SPHKAP: variants seen among roughly 807,000 people sequenced by gnomAD.
SPHKAP encodes A-kinase anchor protein SPHKAP.
Under a neutral mutation model 137.5 loss-of-function variants are expected in SPHKAP, and 67 were observed. That is an observed-to-expected ratio of 0.49 (90% CI 0.40 to 0.60). The LOEUF is 0.60. Ranked by LOEUF, SPHKAP falls within the 20% of genes least tolerant of loss-of-function variation. SPHKAP has a pLI of 0.00. For missense variants in SPHKAP, 2,097 were observed against 2,069.3 expected (o/e 1.01, Z -0.26); for synonymous variants, 813 against 785.3 (o/e 1.04, Z -0.59).
chr2:228,063,517 G>A (rs1241485654), intron 3 of SPHKAP, among the ~76,000 whole-genome samples: 1 of 152,188 alleles, frequency 6.6e-6, no homozygotes, highest in African/African-American at 2.4e-5. Context: ...TTTAGCTCAT[G>A]TAGCACATTA....
chr2:227,995,745 C>A, intron 7 of SPHKAP, 51 bp from the exon 8 acceptor site: 1 of 1,473,726 alleles, frequency 6.8e-7, no homozygotes, highest in Admixed American at 2.6e-5. Flanking sequence ...CACACACACA[C>A]ACAGAAACTT....
intron 1 of SPHKAP, among the ~76,000 whole-genome samples, chr2:228,166,616 T>C (rs1376582644): frequency 6.6e-6 from 1 of 152,238 alleles, no homozygotes; most frequent in African/African-American, 2.4e-5. Flanking sequence ...TCTTTATATA[T>C]GTTCTTATTT....
intron 1 of SPHKAP, among the ~76,000 whole-genome samples, chr2:228,133,304 CTCAAATAAATAAATAA>C (rs1457767293): frequency 7.5e-6 from 1 of 132,766 alleles, no homozygotes; most frequent in Non-Finnish European, 1.6e-5. Flanking sequence ...GAGACTCCAT[CTCAAATAAATAAATAA>C]ATAAATAAAT....
Position 228,049,943 on chromosome 2 carries a change from C to A in SPHKAP, c.247-22400G>T, listed in dbSNP as rs113133316. ...GAAAATCTTCACAAACTCCAACATC[C>A]AACAAAGGTCTGATATTCAATATCT... On this transcript the variant is annotated intron_variant, in intron 3 of 11. Coordinates refer to ENST00000392056, the MANE Select transcript of SPHKAP (RefSeq NM_001142644.2). Among the ~76,000 whole-genome samples, 1,280 of 152,004 alleles carry A rather than the reference C, an allele frequency of 8.4e-3. 17 individuals are homozygous for A. Among genetic ancestry groups the A allele is most frequent in the East Asian group, 0.029 (152 of 5,164 alleles).
intron 3 of SPHKAP, among the ~76,000 whole-genome samples, chr2:228,096,574 G>A (rs1406630030): frequency 6.6e-6 from 1 of 151,972 alleles, no homozygotes; most frequent in African/African-American, 2.4e-5. Context: ...TTGGTTGAAT[G>A]AAATCCACTT....
chr2:228,049,988 C>T (rs1162429960), intron 3 of SPHKAP, among the ~76,000 whole-genome samples: 1 of 151,854 alleles, frequency 6.6e-6, no homozygotes, highest in Admixed American at 6.6e-5. Context: ...TGCAATAACT[C>T]AACAAGAAAA....
At chr2:228,177,787 A>G (rs886099680) in intron 1 of SPHKAP, among the ~76,000 whole-genome samples, 2 of 152,218 alleles carry the variant, frequency 1.3e-5, no homozygotes, top group African/African-American at 4.8e-5. Flanking sequence ...ACAAAATGAC[A>G]GGAAGCCTAT....
At chr2:228,169,762 G>A (rs1343492607) in intron 1 of SPHKAP, 1 of 152,008 alleles carries the variant, frequency 6.6e-6, no homozygotes, top group Non-Finnish European at 1.5e-5. Context: ...TACACAGCAT[G>A]TTTATTAAAA....
chr2:228,041,974 T>C (rs1193148394), intron 3 of SPHKAP, among the ~76,000 whole-genome samples: 1 of 152,064 alleles, frequency 6.6e-6, no homozygotes, highest in Non-Finnish European at 1.5e-5. Context: ...GGCCGAACCA[T>C]AACTATGAGG....
chr2:228,176,612 C>T (rs372920095), intron 1 of SPHKAP, among the ~76,000 whole-genome samples: 1 of 152,206 alleles, frequency 6.6e-6, no homozygotes, highest in African/African-American at 2.4e-5. Flanking sequence ...ACGTGGCTCA[C>T]GCCTGTAATC....
chr2:228,166,727 T>G (rs1700433157), intron 1 of SPHKAP, among the ~76,000 whole-genome samples: 1 of 152,192 alleles, frequency 6.6e-6, no homozygotes, highest in Non-Finnish European at 1.5e-5. Flanking sequence ...CTATGATCTA[T>G]AAGAGCTGAG....
chr2:228,134,323 CCTGG>C (rs1321422744), intron 1 of SPHKAP, among the ~76,000 whole-genome samples: 1 of 152,088 alleles, frequency 6.6e-6, no homozygotes, highest in African/African-American at 2.4e-5. Context: ...AGCTCCATTT[CCTGG>C]CTGCCAATCC....
At chr2:228,059,562 T>C (rs1157557019) in intron 3 of SPHKAP, among the ~76,000 whole-genome samples, 3 of 152,214 alleles carry the variant, frequency 2.0e-5, no homozygotes, top group Non-Finnish European at 4.4e-5. Flanking sequence ...AGATAATTTT[T>C]TCTCTGAAAA....
chr2:228,118,257 T>A (rs1698785608), intron 2 of SPHKAP, among the ~76,000 whole-genome samples: 1 of 130,260 alleles, frequency 7.7e-6, no homozygotes, highest in African/African-American at 2.8e-5. Context: ...TTTTTTTTTT[T>A]TTTTTTAAGC....
At chr2:228,012,197 GA>G (rs996722160) in intron 7 of SPHKAP, among the ~76,000 whole-genome samples, 7 of 135,514 alleles carry the variant, frequency 5.2e-5, no homozygotes, top group African/African-American at 1.9e-4. Flanking sequence ...AAGAAAGAAA[GA>G]AAGAAATATA....
In SPHKAP at chr2:228,069,229, T is replaced by C. The variant is rs151184745; in HGVS notation, c.246+39603A>G. Among the ~76,000 whole-genome samples, 288 of 152,218 alleles carry C rather than the reference T, an allele frequency of 1.9e-3. 1 individual carries two copies. Among genetic ancestry groups the C allele is most frequent in the Non-Finnish European group, 2.9e-3 (200 of 68,012 alleles). On this transcript the variant is annotated intron_variant, in intron 3 of 11. Transcript: ENST00000392056. ...TTTCTGTGAGCCGAGATCGTGCCATTGCACTCCAGCCTGGGCGACAAGAGC... is the reference window on the plus strand; with the variant it reads ...TTTCTGTGAGCCGAGATCGTGCCATCGCACTCCAGCCTGGGCGACAAGAGC...
At chr2:228,102,932 G>A (rs775586780) in intron 3 of SPHKAP, among the ~76,000 whole-genome samples, 2 of 152,046 alleles carry the variant, frequency 1.3e-5, no homozygotes, top group Non-Finnish European at 2.9e-5. Flanking sequence ...TTGTAGAGAT[G>A]GGGCACTTGT....
At chr2:228,177,882 C>A (rs1430982227) in intron 1 of SPHKAP, among the ~76,000 whole-genome samples, 2 of 151,974 alleles carry the variant, frequency 1.3e-5, no homozygotes, top group African/African-American at 4.8e-5. Context: ...TTCGAAATGC[C>A]ATATAAAAAT....
At position 227,991,279 on chromosome 2, in the gene SPHKAP, G is replaced by C. The variant is rs755148311; in HGVS notation, c.4769C>G (p.Thr1590Arg). The change falls in exon 10 of 12, where the codon ACA becomes AGA. Residue 1590 changes from threonine to arginine, a missense_variant. Transcript: ENST00000392056. ...KKILKGQSESTEAPASGPPTG... is the reference protein window; with the variant it reads ...KKILKGQSESREAPASGPPTG... The stretch of plus-strand genomic sequence containing the variant: ...AGTATGGGAAGGTGGCTTACCCTCT[G>C]TGCTTTCTGACTGTCCTTTAAGAAT... 2 of 1,614,200 alleles carry C rather than the reference G, an allele frequency of 1.2e-6. No homozygotes were observed. Among genetic ancestry groups the C allele is most frequent in the East Asian group, 2.2e-5 (1 of 44,886 alleles).
Sources: allele counts gnomAD v4.1 joint callset (sites outside exome capture counted in the v4.1 genomes callset), GRCh38; gene constraint gnomAD v4.1.1; transcripts MANE v1.5; gene names NCBI Gene and HGNC (gene_info 2026-07-23, HGNC 2026-07-21).